The following FAM83A variants were observed in gnomAD, a reference collection of about 807,000 sequenced individuals.
FAM83A encodes scaffolding CK1 anchoring protein A, also known as protein FAM83A.
In FAM83A, 21 loss-of-function variants were observed where a neutral mutation model predicts 24.4. The ratio of observed to expected loss-of-function variants is 0.86; its 90% confidence interval spans 0.61 to 1.24. The LOEUF is 1.24. Ranked by LOEUF, FAM83A falls within the 50% of genes most tolerant of loss-of-function variation. The pLI is 0.00. For synonymous variants in FAM83A, 270 were observed against 252.4 expected (o/e 1.07, Z -0.66); for missense variants, 617 against 579.8 (o/e 1.06, Z -0.66).
intron 1 of FAM83A, among the ~76,000 whole-genome samples, chr8:123,183,565 G>C (rs1446555505): frequency 3.3e-5 from 5 of 151,862 alleles, no homozygotes; most frequent in Admixed American, 6.6e-5. Flanking sequence ...TCCCGCAATC[G>C]CTTCCTGCCT....
At chr8:123,208,272 CCGTTA>C in exon 4 of FAM83A, 2 of 985,438 alleles carry the variant, frequency 2.0e-6, no homozygotes, top group Non-Finnish European at 2.4e-6. Flanking sequence ...GCCCCAGAAC[CCGTTA>C]TCTATGAGTT....
intron 2 of FAM83A, among the ~76,000 whole-genome samples, chr8:123,192,526 G>A (rs1035711045): frequency 6.6e-6 from 1 of 152,178 alleles, no homozygotes; most frequent in Non-Finnish European, 1.5e-5. Flanking sequence ...CAGCGATAAG[G>A]GTTTGATTCA....
At chr8:123,182,434 C>T (rs912772790), upstream of FAM83A, 6 of 388,322 alleles carry the variant, frequency 1.5e-5, no homozygotes, top group Non-Finnish European at 3.1e-5. Flanking sequence ...TCAGGCCCAT[C>T]CTCCAGCTGG....
At chr8:123,207,552 A>G in exon 4 of FAM83A, 1 of 1,545,818 alleles carries the variant, frequency 6.5e-7, no homozygotes, top group African/African-American at 1.4e-5. Context: ...CCGCGGCCCC[A>G]CGACGGCCCG....
intron 3 of FAM83A, among the ~76,000 whole-genome samples, chr8:123,200,650 C>T (rs1201069122): frequency 2.0e-5 from 3 of 152,014 alleles, no homozygotes; most frequent in South Asian, 4.1e-4. Context: ...AACCCCATCT[C>T]TACTAAAAAT....
chr8:123,209,208 C>T lies in FAM83A; in HGVS notation c.*1520C>T, dbSNP rs141527229. 3.0e-3 allele frequency: 3,555 copies of T among 1,174,582 alleles called. 5 individuals carry two copies. The highest frequency in any genetic ancestry group is 3.6e-3 in the Middle Eastern group (10 of 2,812). The allele number at this position is 1,174,582 out of a possible 1,614,324, so 72.8% of individuals were successfully genotyped here. On this transcript the variant is annotated 3_prime_UTR_variant, in exon 4 of 4. Transcript: ENST00000690554. This position sits in a 1 kb window ranked among gnomAD's most constrained non-coding sequence, Gnocchi z 4.7. ...GTTTTTGGCGGGGAAGCTCAGCCTT[C>T]GCTGTGGAGGGACGAGAGCACAGAG...
At chr8:123,191,872 A>C (rs766021438) in exon 2 of FAM83A, 4 of 1,614,110 alleles carry the variant, frequency 2.5e-6, no homozygotes, top group Non-Finnish European at 3.4e-6. Flanking sequence ...GGCAGCCAAC[A>C]AGCGTGGGGT....
chr8:123,183,148 A>G, exon 1 of FAM83A: 7 of 1,613,656 alleles, frequency 4.3e-6, no homozygotes, highest in Non-Finnish European at 5.9e-6. Context: ...ACTGGACTCC[A>G]GCTCCCTACA....
intron 1 of FAM83A, among the ~76,000 whole-genome samples, chr8:123,185,720 A>T (rs1823769076): frequency 6.6e-6 from 1 of 152,220 alleles, no homozygotes; most frequent in Non-Finnish European, 1.5e-5. Flanking sequence ...GCACCCAATA[A>T]TAATTAATTG....
intron 3 of FAM83A, among the ~76,000 whole-genome samples, chr8:123,194,433 C>T (rs921634563): frequency 6.6e-6 from 1 of 151,704 alleles, no homozygotes; most frequent in Non-Finnish European, 1.5e-5. Flanking sequence ...ATATCTTAGA[C>T]GTGATTATAA....
At position 123,183,274 on chromosome 8, in the gene FAM83A, C is replaced by CA. The variant is rs765090582; in HGVS notation, c.419dup (p.Thr141AspfsTer19). The stretch of plus-strand genomic sequence containing the variant: ...AAAATCCAGCGCCACTGTGTACTTC[C>CA]AGACCGTCAAGCACAACAACATCAG... On this transcript the variant is annotated frameshift_variant, in exon 1 of 4. Coordinates refer to ENST00000690554, the Ensembl canonical transcript of FAM83A. LOFTEE classifies it high-confidence loss of function. 1 of 1,613,294 alleles carries CA rather than the reference C, an allele frequency of 6.2e-7. No individual in the cohort carries two copies. Among genetic ancestry groups the CA allele is most frequent in the South Asian group, 1.1e-5 (1 of 91,072 alleles).
exon 4 of FAM83A, chr8:123,208,333 G>C (rs1388242475): frequency 9.1e-6 from 9 of 985,506 alleles, no homozygotes; most frequent in Non-Finnish European, 1.1e-5. Context: ...GATGCAGCTA[G>C]CTGAGGAGTT....
chr8:123,182,905 G>A, exon 1 of FAM83A: 2 of 1,537,548 alleles, frequency 1.3e-6, no homozygotes, highest in Non-Finnish European at 1.7e-6. Flanking sequence ...TCTGGAAGAT[G>A]TCAAGAGCCA....
chr8:123,201,344 C>T (rs1824351893), intron 3 of FAM83A: 1 of 152,194 alleles, frequency 6.6e-6, no homozygotes, highest in African/African-American at 2.4e-5. Context: ...AAGCTGAGGG[C>T]TGGGCTTGTT....
At chr8:123,186,568 A>C (rs566481649) in intron 1 of FAM83A, among the ~76,000 whole-genome samples, 2 of 151,968 alleles carry the variant, frequency 1.3e-5, no homozygotes, top group Non-Finnish European at 2.9e-5. Flanking sequence ...GGTGGCTCTC[A>C]CCTGTAATCT....
At chr8:123,182,284 C>T (rs907675621), upstream of FAM83A, 4 of 373,076 alleles carry the variant, frequency 1.1e-5, no homozygotes, top group Admixed American at 3.1e-5. Context: ...CTCCCTGGCC[C>T]GTGTCCAGCT....
chr8:123,192,629 G>A (rs763695185), intron 2 of FAM83A, among the ~76,000 whole-genome samples: 15 of 152,320 alleles, frequency 9.8e-5, no homozygotes, highest in Middle Eastern at 3.4e-3. Context: ...GTGGCCCTCA[G>A]AGTTCTTTTG....
chr8:123,198,096 A>C (rs1180343267), intron 3 of FAM83A, among the ~76,000 whole-genome samples: 1 of 152,124 alleles, frequency 6.6e-6, no homozygotes, highest in South Asian at 2.1e-4. Context: ...GCACCACTGC[A>C]CTCCAGCCTG....
At chr8:123,193,506 C>T (rs1305842647) in intron 2 of FAM83A, among the ~76,000 whole-genome samples, 1 of 152,150 alleles carries the variant, frequency 6.6e-6, no homozygotes, top group Admixed American at 6.6e-5. Context: ...GACAATTCAG[C>T]CCAGGGAAAA....
Sources: gnomAD v4.1 joint callset for allele counts (sites outside exome capture counted in the v4.1 genomes callset) on GRCh38, gnomAD v4.1.1 for gene constraint, Gnocchi (gnomAD v3.1) non-coding constraint, MANE v1.5 for transcripts, NCBI Gene and HGNC (gene_info 2026-07-23, HGNC 2026-07-21) for gene names.